Variants in BAZ2B observed in about 807,000 individuals in gnomAD.
BAZ2B encodes bromodomain adjacent to zinc finger domain 2B, also known as bromodomain adjacent to zinc finger domain protein 2B.
BAZ2B carries 91 observed loss-of-function variants against 246.0 expected under a neutral mutation model. The ratio of observed to expected loss-of-function variants is 0.37; its 90% confidence interval spans 0.31 to 0.44. The LOEUF (loss-of-function observed/expected upper bound fraction) is 0.44, where lower values mean the gene tolerates loss of function less well. Ranked by LOEUF, BAZ2B falls within the 20% of genes least tolerant of loss-of-function variation. The pLI, the probability that BAZ2B is intolerant of heterozygous loss-of-function variation, is 1.00. For missense variants in BAZ2B, 2,332 were observed against 2,533.7 expected (o/e 0.92, Z 1.71); for synonymous variants, 855 against 860.0 (o/e 0.99, Z 0.10).
chr2:159,443,648 AT>A (rs1360376059), intron 6 of BAZ2B, among the ~76,000 whole-genome samples: 1 of 152,178 alleles, frequency 6.6e-6, no homozygotes, highest in African/African-American at 2.4e-5. Context: ...TTCTTTTGAA[AT>A]CATAAGTTCT....
chr2:159,661,747 T>C, the BAZ2B span, among the ~76,000 whole-genome samples: 17 of 151,890 alleles, frequency 1.1e-4, no homozygotes, highest in Non-Finnish European at 2.5e-4. Context: ...CAGTGGCATT[T>C]AGTACATTCA....
At chr2:159,577,719 T>C (rs571160343) in intron 1 of BAZ2B, among the ~76,000 whole-genome samples, 5 of 152,308 alleles carry the variant, frequency 3.3e-5, no homozygotes, top group East Asian at 1.9e-4. Flanking sequence ...TTAAAACGTA[T>C]CTGCTTCAGT....
the BAZ2B span, among the ~76,000 whole-genome samples, chr2:159,678,840 C>T: frequency 6.6e-5 from 10 of 152,300 alleles, no homozygotes; most frequent in Admixed American, 1.3e-4. Flanking sequence ...TTCACAATCC[C>T]TAACCCCTGA....
rs2075378288 is a variant in BAZ2B at position 159,453,788 on chromosome 2, T to C, written c.159A>G (p.Arg53=). 3 of 1,600,290 alleles carry C rather than the reference T, an allele frequency of 1.9e-6. No homozygotes were observed. The highest frequency in any genetic ancestry group is 2.6e-6 in the Non-Finnish European group (3 of 1,173,056). ...GGTTAAACGGTTGATCCCCAGCTGTTCTGAATAAATGTCCTGGGAGGGAAA... is the reference window on the plus strand; with the variant it reads ...GGTTAAACGGTTGATCCCCAGCTGTCCTGAATAAATGTCCTGGGAGGGAAA... ...STINPCGHLF[R]TAGDQPFNLS... is the part of the protein sequence containing the mutation. The change falls in exon 4 of 37, where the codon AGA becomes AGG. Residue 53 remains arginine, a synonymous_variant. Transcript: ENST00000392783.
intron 27 of BAZ2B, among the ~76,000 whole-genome samples, chr2:159,355,484 A>G (rs1169242115): frequency 2.6e-5 from 4 of 152,162 alleles, no homozygotes; most frequent in African/African-American, 9.7e-5. Context: ...ATTACCCTTA[A>G]TGAAAGATTC....
chr2:159,349,624 G>GT, intron 28 of BAZ2B, 84 bp downstream of exon 28: 6 of 1,363,840 alleles, frequency 4.4e-6, no homozygotes, highest in Non-Finnish European at 5.9e-6. Flanking sequence ...AACTATCTGA[G>GT]TGAGCCCCCT....
the BAZ2B span, among the ~76,000 whole-genome samples, chr2:159,643,314 C>T: frequency 4.6e-5 from 7 of 152,140 alleles, no homozygotes; most frequent in South Asian, 2.1e-4. Flanking sequence ...TTGGCTTATA[C>T]GCAGCCACCA....
intron 13 of BAZ2B, among the ~76,000 whole-genome samples, chr2:159,415,499 T>C (rs538436343): frequency 2.0e-5 from 3 of 151,814 alleles, no homozygotes; most frequent in East Asian, 1.9e-4. Flanking sequence ...CCTGCATGTG[T>C]CAATCAAAAC....
intron 1 of BAZ2B, among the ~76,000 whole-genome samples, chr2:159,590,187 C>CAAAAAAA (rs552786270): frequency 4.9e-5 from 1 of 20,334 alleles, no homozygotes; most frequent in African/African-American, 2.5e-4. Context: ...GACTCCATCT[C>CAAAAAAA]AAAAAAAAAA....
At chr2:159,692,834 G>C in the BAZ2B span, among the ~76,000 whole-genome samples, 1 of 152,106 alleles carries the variant, frequency 6.6e-6, no homozygotes, top group Admixed American at 6.5e-5. Flanking sequence ...TGTCACCAAG[G>C]CTGTAGCACA....
rs2068922409 is a variant in BAZ2B, at chr2:159,422,368, C to T, written c.2466+5573G>A. On this transcript the variant is annotated intron_variant, in intron 13 of 36. Transcript: ENST00000392783. ...TACTACAAGGCTACAGTAACCAAAA[C>T]AGCATGGTACTGGTACAAAAACAGA... Among the ~76,000 whole-genome samples the T allele has an allele frequency of 1.3e-5, 2 of 152,128 alleles. 1 individual carries two copies. Among genetic ancestry groups the T allele is most frequent in the South Asian group, 4.1e-4 (2 of 4,828 alleles).
chr2:159,349,562 G>A, intron 28 of BAZ2B, 146 bp downstream of exon 28: 1 of 998,762 alleles, frequency 1.0e-6, no homozygotes. Context: ...ATGAACCTTG[G>A]TGACAGAAAT....
intron 2 of BAZ2B, among the ~76,000 whole-genome samples, chr2:159,485,153 G>A (rs916844587): frequency 6.6e-6 from 1 of 152,070 alleles, no homozygotes; most frequent in African/African-American, 2.4e-5. Flanking sequence ...TTCTGAGAAA[G>A]GTTTACATAT....
intron 3 of BAZ2B, among the ~76,000 whole-genome samples, chr2:159,474,875 A>G (rs889269504): frequency 1.6e-4 from 24 of 152,154 alleles, no homozygotes; most frequent in Non-Finnish European, 3.4e-4. Context: ...AGAATGTTGA[A>G]TATTGGCCCC....
chr2:159,432,870 G>A lies in BAZ2B; in HGVS notation c.1787C>T (p.Ser596Leu), dbSNP rs1330666712. ...AGAATCTTTACTACTGGGAATGTCT[G>A]AATCTGTTCCTCTGAATTGTTCCAC... is the stretch of plus-strand genomic sequence containing the variant. ...SLVEQFRGTD[S>L]DIPSSKDSED... Residue 596 changes from serine (S) to leucine (L), a missense_variant, in exon 9 of 37, where the codon TCA becomes TTA. Ser to Leu is a moderately radical substitution (Grantham distance 145, BLOSUM62 -2). Around this residue, in one of 9 missense-constraint regions of BAZ2B, gnomAD observed 651 missense variants for 650.9 expected, o/e 1.00. Coordinates refer to ENST00000392783, the MANE Select transcript of BAZ2B (RefSeq NM_013450.4). 3 of 1,613,996 alleles carry A rather than the reference G, an allele frequency of 1.9e-6. No individual in the cohort carries two copies. Among genetic ancestry groups the A allele is most frequent in the Non-Finnish European group, 2.5e-6 (3 of 1,180,018 alleles).
chr2:159,327,934 G>T (rs2063959162), intron 34 of BAZ2B, among the ~76,000 whole-genome samples: 1 of 152,128 alleles, frequency 6.6e-6, no homozygotes, highest in East Asian at 1.9e-4. Context: ...GTGTGGTGGT[G>T]CACACCTGTA....
chr2:159,423,366 T>C (rs898269182), intron 13 of BAZ2B, among the ~76,000 whole-genome samples: 5 of 150,464 alleles, frequency 3.3e-5, no homozygotes, highest in African/African-American at 4.9e-5. Context: ...CAAAAAACAA[T>C]AGTTGTTGGC....
the BAZ2B span, among the ~76,000 whole-genome samples, chr2:159,711,426 T>C: frequency 2.6e-5 from 4 of 152,146 alleles, no homozygotes; most frequent in Non-Finnish European, 4.4e-5. Flanking sequence ...CCCAAGACAA[T>C]AAAATAAGGA....
intron 31 of BAZ2B, among the ~76,000 whole-genome samples, chr2:159,339,207 C>A (rs1385950389): frequency 1.3e-4 from 3 of 22,978 alleles, no homozygotes; most frequent in Non-Finnish European, 3.5e-3. Flanking sequence ...CCTCCAATGC[C>A]CTCCCCGTCC....
Sources: gnomAD v4.1 joint callset for allele counts (sites outside exome capture counted in the v4.1 genomes callset) on GRCh38, gnomAD v4.1.1 for gene constraint, gnomAD v4.1.1 regional missense constraint, MANE v1.5 for transcripts, NCBI Gene and HGNC (gene_info 2026-07-23, HGNC 2026-07-21) for gene names.